BCO1: variants seen among roughly 807,000 people sequenced by gnomAD.
BCO1 encodes beta-carotene oxygenase 1.
BCO1 carries 54 observed loss-of-function variants against 56.3 expected under a neutral mutation model. That is an observed-to-expected ratio of 0.96 (90% confidence interval 0.77 to 1.20). The LOEUF (loss-of-function observed/expected upper bound fraction) is 1.20. Ranked by LOEUF, BCO1 falls within the 50% of genes most tolerant of loss-of-function variation. The pLI is 0.00. For synonymous variants in BCO1, 318 were observed against 266.1 expected, an observed-to-expected ratio of 1.20 and a Z score of -1.90; for missense variants, 801 against 690.9, an observed-to-expected ratio of 1.16 and a Z score of -1.79.
intron 4 of BCO1, chr16:81,263,880 G>T (rs1447607682): frequency 6.6e-6 from 1 of 152,476 alleles, no homozygotes; most frequent in African/African-American, 2.4e-5. Context: ...GTGAAATTAT[G>T]TCCAGCTCCT....
At chr16:81,274,903 A>G (rs993829880) in intron 7 of BCO1, among the ~76,000 whole-genome samples, 1 of 148,788 alleles carries the variant, frequency 6.7e-6, no homozygotes, top group Non-Finnish European at 1.5e-5. Flanking sequence ...CTCCATCTCA[A>G]AAAAAAAAAA....
intron 7 of BCO1, among the ~76,000 whole-genome samples, chr16:81,271,839 T>G (rs577998212): frequency 6.6e-6 from 1 of 152,158 alleles, no homozygotes; most frequent in Admixed American, 6.6e-5. Context: ...AACCTCTGCC[T>G]CTGAGGTTCA....
rs771283822 is a variant in BCO1 at position 81,262,298 on chromosome 16, G to A, written c.471+15G>A. Reference sequence around the variant, plus strand: ...CCCTGGAGAAGGTATCAACACATATGTAACCAGCATCACTTCCTGACTCAA... The same window carrying A: ...CCCTGGAGAAGGTATCAACACATATATAACCAGCATCACTTCCTGACTCAA... On this transcript the variant is annotated intron_variant, in intron 4 of 10. Transcript: ENST00000258168. 1.9e-6 allele frequency: 3 copies of A among 1,608,724 alleles called. No homozygotes were observed. The highest frequency in any genetic ancestry group is 1.1e-5 in the South Asian group (1 of 90,990).
At chr16:81,241,586 G>T (rs1451096489) in intron 1 of BCO1, among the ~76,000 whole-genome samples, 1 of 152,190 alleles carries the variant, frequency 6.6e-6, no homozygotes, top group Non-Finnish European at 1.5e-5. Context: ...CACTTGGGGG[G>T]TGGAGCTCAG....
At chr16:81,240,310 A>T (rs1165042658) in intron 1 of BCO1, among the ~76,000 whole-genome samples, 1 of 152,210 alleles carries the variant, frequency 6.6e-6, no homozygotes, top group East Asian at 1.9e-4. Flanking sequence ...TTGATAGATT[A>T]CTATATTTGT....
chr16:81,286,647 G>A (rs534092112), intron 9 of BCO1, among the ~76,000 whole-genome samples: 10 of 152,110 alleles, frequency 6.6e-5, no homozygotes, highest in East Asian at 3.9e-4. Flanking sequence ...CCAGGAGTTC[G>A]AGACCAGCTT....
intron 6 of BCO1, among the ~76,000 whole-genome samples, chr16:81,268,377 G>A (rs1222762895): frequency 6.6e-6 from 1 of 152,154 alleles, no homozygotes; most frequent in African/African-American, 2.4e-5. Flanking sequence ...GCCATCTTGG[G>A]CAAACATGGA....
chr16:81,269,221 C>G (rs1378942849), intron 6 of BCO1, among the ~76,000 whole-genome samples: 1 of 151,876 alleles, frequency 6.6e-6, no homozygotes. Context: ...CATCCACCCC[C>G]ACGTCTGAAG....
At chr16:81,247,258 C>T (rs914767173) in intron 2 of BCO1, among the ~76,000 whole-genome samples, 3 of 152,146 alleles carry the variant, frequency 2.0e-5, no homozygotes, top group East Asian at 3.8e-4. Context: ...GCCTCAGTTT[C>T]CTCATCAGTA....
At chr16:81,275,339 C>T (rs528497959) in intron 7 of BCO1, among the ~76,000 whole-genome samples, 1 of 152,354 alleles carries the variant, frequency 6.6e-6, no homozygotes, top group South Asian at 2.1e-4. Context: ...GCCTTGGCTT[C>T]CGCCCAGACC....
At position 81,285,581 on chromosome 16, in the gene BCO1, C is replaced by T. The variant is rs1908132616; in HGVS notation, c.1249C>T (p.Gln417Ter). The change falls in exon 9 of 11, where the codon CAA (glutamine) becomes TAA (stop). Residue 417 changes from glutamine to a stop codon, truncating the protein, a stop_gained. Transcript: ENST00000258168. LOFTEE classifies it high-confidence loss of function. ...GGTCAATTATGCTCACAATGGAAAG[C>T]AATACCGATATGTCTTTGCTACAGG... ...PRVNYAHNGKQYRYVFATGVQ... is the reference protein window; with the variant it reads ...PRVNYAHNGK 1.2e-6 allele frequency: 2 copies of T among 1,613,896 alleles called. No homozygotes were observed. Among genetic ancestry groups the T allele is most frequent in the Non-Finnish European group, 1.7e-6 (2 of 1,179,772 alleles).
intron 2 of BCO1, among the ~76,000 whole-genome samples, chr16:81,251,121 C>T (rs1478233207): frequency 6.6e-6 from 1 of 152,054 alleles, no homozygotes; most frequent in Non-Finnish European, 1.5e-5. Flanking sequence ...TTTAAAGCAC[C>T]CAGGTGATTC....
chr16:81,288,060 A>G (rs1474752726), intron 10 of BCO1, among the ~76,000 whole-genome samples: 1 of 152,154 alleles, frequency 6.6e-6, no homozygotes, highest in Non-Finnish European at 1.5e-5. Flanking sequence ...CAAGGCCCCC[A>G]GGTATACAAA....
intron 2 of BCO1, among the ~76,000 whole-genome samples, chr16:81,255,818 TTTTATTTA>T (rs909929369): frequency 1.1e-4 from 17 of 151,104 alleles, no homozygotes; most frequent in African/African-American, 4.1e-4. Flanking sequence ...CTTTCTTTCT[TTTTATTTA>T]TTTATTTATT....
At chr16:81,286,208 AT>A (rs1161837935) in intron 9 of BCO1, among the ~76,000 whole-genome samples, 10 of 152,068 alleles carry the variant, frequency 6.6e-5, no homozygotes, top group Non-Finnish European at 1.2e-4. Flanking sequence ...TTAAGCTACC[AT>A]TTGTCAAACA....
chr16:81,250,875 C>G (rs187332976), intron 2 of BCO1, among the ~76,000 whole-genome samples: 1 of 152,158 alleles, frequency 6.6e-6, no homozygotes, highest in Admixed American at 6.5e-5. Flanking sequence ...GCCACCGCGT[C>G]TGGCCATTCA....
intron 2 of BCO1, among the ~76,000 whole-genome samples, chr16:81,246,918 C>G (rs1376654257): frequency 6.7e-6 from 1 of 148,772 alleles, no homozygotes; most frequent in Non-Finnish European, 1.5e-5. Context: ...GCCCATTAAG[C>G]AAGACAGAGC....
chr16:81,244,682 A>G (rs1390614705), intron 1 of BCO1, among the ~76,000 whole-genome samples: 1 of 151,298 alleles, frequency 6.6e-6, no homozygotes, highest in Admixed American at 6.6e-5. Flanking sequence ...TGTTTCACAA[A>G]GAACCTTTTT....
chr16:81,266,321 C>G (rs1317142076), intron 5 of BCO1, among the ~76,000 whole-genome samples: 1 of 152,178 alleles, frequency 6.6e-6, no homozygotes, highest in Non-Finnish European at 1.5e-5. Context: ...GTCCAGGACC[C>G]TCCTGGGAAC....
Sources: gnomAD v4.1 joint callset for allele counts (sites outside exome capture counted in the v4.1 genomes callset) on GRCh38, gnomAD v4.1.1 for gene constraint, MANE v1.5 for transcripts, NCBI Gene and HGNC (gene_info 2026-07-23, HGNC 2026-07-21) for gene names.